The following SLMAP variants were observed in gnomAD, a reference collection of about 807,000 sequenced individuals.
SLMAP encodes the protein sarcolemma associated protein.
A neutral mutation model predicts 128.8 loss-of-function variants in SLMAP; 44 were observed. The ratio of observed to expected loss-of-function variants is 0.34; its 90% confidence interval spans 0.27 to 0.44. SLMAP has a LOEUF of 0.44. Among genes scored for constraint, SLMAP ranks in the 20% least tolerant of loss-of-function variants. The pLI, the probability that SLMAP is intolerant of heterozygous loss-of-function variation, is 1.00. For synonymous variants in SLMAP, 327 were observed against 348.8 expected (o/e 0.94, Z 0.70); for missense variants, 787 against 985.3 (o/e 0.80, Z 2.69).
At chr3:57,847,133 C>T in intron 4 of SLMAP, 64 bp from the exon 5 acceptor site, 2 of 978,318 alleles carry the variant, frequency 2.0e-6, no homozygotes, top group Non-Finnish European at 3.2e-6. Context: ...TATTCTGGTG[C>T]TCTCATACTC....
At chr3:57,856,938 T>G (rs758462355) in intron 6 of SLMAP, among the ~76,000 whole-genome samples, 1 of 152,186 alleles carries the variant, frequency 6.6e-6, no homozygotes, top group Non-Finnish European at 1.5e-5. Context: ...TTGTAATTTT[T>G]GGGGACTACT....
At chr3:57,925,154 C>T (rs1488353907) in intron 23 of SLMAP, among the ~76,000 whole-genome samples, 1 of 151,750 alleles carries the variant, frequency 6.6e-6, no homozygotes, top group Non-Finnish European at 1.5e-5. Context: ...AGGGTTTTGC[C>T]ATGTGGTCCA....
intron 2 of SLMAP, among the ~76,000 whole-genome samples, chr3:57,813,260 TA>T (rs1255811787): frequency 3.3e-5 from 5 of 152,138 alleles, no homozygotes; most frequent in African/African-American, 1.2e-4. Flanking sequence ...TGTGCCCAGC[TA>T]ATTTTTGTAT....
intron 13 of SLMAP, among the ~76,000 whole-genome samples, chr3:57,871,009 G>T (rs189571623): frequency 9.2e-5 from 14 of 152,008 alleles, no homozygotes; most frequent in African/African-American, 3.4e-4. Flanking sequence ...AATTCTGTTT[G>T]ACTTGAGCAA....
intron 4 of SLMAP, among the ~76,000 whole-genome samples, chr3:57,841,885 C>T (rs941512284): frequency 4.0e-5 from 6 of 151,838 alleles, no homozygotes; most frequent in East Asian, 1.9e-4. Flanking sequence ...ATTTAGAGGC[C>T]GACATTTGAA....
chr3:57,911,457 G>T (rs376295979), intron 19 of SLMAP, among the ~76,000 whole-genome samples: 18 of 151,832 alleles, frequency 1.2e-4, no homozygotes, highest in Non-Finnish European at 2.6e-4. Context: ...CTTGTTCTGC[G>T]CCAAGTTTGA....
intron 15 of SLMAP, chr3:57,890,344 A>G (rs2096028622): frequency 5.3e-6 from 2 of 375,476 alleles, no homozygotes; most frequent in Non-Finnish European, 9.5e-6. Flanking sequence ...TTAGTACTTG[A>G]TATAGGTTTC....
At chr3:57,778,562 C>CTTTTT (rs2082367071) in intron 2 of SLMAP, among the ~76,000 whole-genome samples, 1 of 133,474 alleles carries the variant, frequency 7.5e-6, no homozygotes, top group Non-Finnish European at 1.6e-5. Context: ...TTTCTCTTTT[C>CTTTTT]TTTCTTTCTT....
chr3:57,848,453 TTC>T (rs973802182), intron 5 of SLMAP, among the ~76,000 whole-genome samples: 7 of 151,570 alleles, frequency 4.6e-5, no homozygotes, highest in African/African-American at 1.5e-4. Context: ...TCCTTCTTCC[TTC>T]TTTCTTCTTA....
chr3:57,872,350 G>T (rs763644871), intron 14 of SLMAP, among the ~76,000 whole-genome samples: 6 of 152,094 alleles, frequency 3.9e-5, no homozygotes, highest in Non-Finnish European at 7.4e-5. Context: ...GGGCACAGTG[G>T]CTCACACCTG....
chr3:57,928,588 G>T lies in SLMAP; in HGVS notation c.*1299G>T, dbSNP rs1436342545. ...CAAGTGAAAGTTTAGCCATGGTTTTGTGCGGCATCATAGTTATGTCAATAA... is the reference window on the plus strand; with the variant it reads ...CAAGTGAAAGTTTAGCCATGGTTTTTTGCGGCATCATAGTTATGTCAATAA... On this transcript the variant is annotated 3_prime_UTR_variant, in exon 25 of 25. Transcript: ENST00000671191. The T allele has an allele frequency of 6.6e-6, 1 of 152,154 alleles. No homozygotes were observed. The highest frequency in any genetic ancestry group is 1.5e-5 in the Non-Finnish European group (1 of 68,020). The allele number at this position is 152,154 out of a possible 1,614,324, so 9.4% of individuals were successfully genotyped here.
chr3:57,874,821 T>C (rs2095565384), intron 14 of SLMAP, among the ~76,000 whole-genome samples: 1 of 150,830 alleles, frequency 6.6e-6, no homozygotes, highest in Non-Finnish European at 1.5e-5. Flanking sequence ...ATTGTGCCAT[T>C]GCACTCCAGT....
At chr3:57,856,200 G>T (rs1203210664) in intron 6 of SLMAP, among the ~76,000 whole-genome samples, 1 of 152,026 alleles carries the variant, frequency 6.6e-6, no homozygotes, top group East Asian at 1.9e-4. Flanking sequence ...TCCAGCCTGG[G>T]TGACAGACCT....
intron 2 of SLMAP, among the ~76,000 whole-genome samples, chr3:57,760,379 TATTG>T (rs1190375102): frequency 1.3e-5 from 2 of 152,238 alleles, no homozygotes; most frequent in Admixed American, 6.5e-5. Flanking sequence ...TAGATGTAAT[TATTG>T]ATTATTATAC....
At chr3:57,892,810 A>G (rs971234915) in intron 15 of SLMAP, among the ~76,000 whole-genome samples, 1 of 146,858 alleles carries the variant, frequency 6.8e-6, no homozygotes, top group African/African-American at 2.5e-5. Context: ...ACACACACAC[A>G]TACACACACA....
chr3:57,906,310 C>CCTTTTTTTTTTTTTTTTTTTTTT (rs2096547779), intron 17 of SLMAP, among the ~76,000 whole-genome samples: 3 of 47,048 alleles, frequency 6.4e-5, no homozygotes, highest in East Asian at 2.0e-3. Flanking sequence ...CTTTTTTTTT[C>CCTTTTTTTTTTTTTTTTTTTTTT]TTTTTTTTTT....
rs1192845310 is a variant in SLMAP at position 57,917,044 on chromosome 3, G to A, written c.2277G>A (p.Lys759=). 1 of 1,613,886 alleles carries A rather than the reference G, an allele frequency of 6.2e-7. No homozygotes were observed. Among genetic ancestry groups the A allele is most frequent in the Non-Finnish European group, 8.5e-7 (1 of 1,179,904 alleles). Residue 759 remains lysine, a synonymous_variant, in exon 22 of 25, where the codon AAG becomes AAA. Coordinates refer to ENST00000671191, the MANE Select transcript of SLMAP (RefSeq NM_001377540.1). ...DSADLKTLLS[K]AENQAKDVQK... is the part of the protein sequence containing the mutation. ...CTGATTTAAAAACTCTTCTCAGTAAGGCAGAAAACCAAGCAAAGGATGTGC... is the reference window on the plus strand; with the variant it reads ...CTGATTTAAAAACTCTTCTCAGTAAAGCAGAAAACCAAGCAAAGGATGTGC...
chr3:57,801,670 C>G (rs2088435125), intron 2 of SLMAP, among the ~76,000 whole-genome samples: 1 of 149,352 alleles, frequency 6.7e-6, no homozygotes, highest in African/African-American at 2.5e-5. Context: ...TATTATAAAT[C>G]ATGCTTTGCT....
At chr3:57,896,456 T>C in intron 15 of SLMAP, 55 bp from the exon 16 acceptor site, 1 of 1,511,792 alleles carries the variant, frequency 6.6e-7, no homozygotes. Flanking sequence ...AGCAGTTTTA[T>C]TGATATAAGA....
Sources: allele counts gnomAD v4.1 joint callset (sites outside exome capture counted in the v4.1 genomes callset), GRCh38; gene constraint gnomAD v4.1.1; transcripts MANE v1.5; gene names NCBI Gene and HGNC (gene_info 2026-07-23, HGNC 2026-07-21).